EIF4EBP2: variants seen among roughly 807,000 people sequenced by gnomAD.
EIF4EBP2 encodes eukaryotic translation initiation factor 4E-binding protein 2.
A neutral mutation model predicts 10.3 loss-of-function variants in EIF4EBP2; 5 were observed. The ratio of observed to expected loss-of-function variants is 0.48; its 90% CI spans 0.25 to 1.02. The LOEUF (loss-of-function observed/expected upper bound fraction) is 1.02, where lower values mean the gene tolerates loss of function less well. Ranked by LOEUF, EIF4EBP2 falls within the 50% of genes least tolerant of loss-of-function variation. EIF4EBP2 has a pLI of 0.15. For synonymous variants in EIF4EBP2, 67 were observed against 61.1 expected (o/e 1.10, Z -0.45); for missense variants, 188 against 162.2 (o/e 1.16, Z -0.86).
intron 1 of EIF4EBP2, among the ~76,000 whole-genome samples, chr10:70,408,976 C>G (rs1845013059): frequency 6.6e-6 from 1 of 152,194 alleles, no homozygotes; most frequent in Non-Finnish European, 1.5e-5. Flanking sequence ...GGGTCACATA[C>G]ATGTCAGAGC....
chr10:70,416,517 T>G (rs1464063375), intron 1 of EIF4EBP2, among the ~76,000 whole-genome samples: 1 of 145,404 alleles, frequency 6.9e-6, no homozygotes, highest in Non-Finnish European at 1.5e-5. Context: ...AGGCGGAGGT[T>G]GCAGTGAGCC....
At chr10:70,407,452 A>C (rs565373321) in intron 1 of EIF4EBP2, among the ~76,000 whole-genome samples, 162 of 152,142 alleles carry the variant, frequency 1.1e-3, no homozygotes, top group African/African-American at 3.6e-3. Flanking sequence ...GATCAACAGG[A>C]TCCCAAGGCA....
At chr10:70,417,595 C>G (rs1438952458) in intron 1 of EIF4EBP2, among the ~76,000 whole-genome samples, 2 of 152,200 alleles carry the variant, frequency 1.3e-5, no homozygotes, top group Non-Finnish European at 2.9e-5. Context: ...TAGGCAGAAT[C>G]TCCACTACCT....
chr10:70,424,619 AC>A lies in EIF4EBP2; in HGVS notation c.*2874del, dbSNP rs1845189544. 1 of 152,214 alleles carries A rather than the reference AC, an allele frequency of 6.6e-6. No homozygotes were observed. Among genetic ancestry groups the A allele is most frequent in the African/African-American group, 2.4e-5 (1 of 41,446 alleles). The allele number at this position is 152,214 out of a possible 1,614,324, so 9.4% of individuals were successfully genotyped here. A position where few individuals can be genotyped will look rare whatever the true frequency, so the allele number is the denominator to read the frequency against. Reference sequence around the variant, plus strand: ...TAGAGAGAAGGAGCACTCTTAAGTTACCACTTTGAGACAGCTCTTAACATCT... The same window carrying A: ...TAGAGAGAAGGAGCACTCTTAAGTTACACTTTGAGACAGCTCTTAACATCT... On this transcript the variant is annotated 3_prime_UTR_variant, in exon 3 of 3. Transcript: ENST00000373218.
chr10:70,420,281 C>A (rs1397222700), intron 2 of EIF4EBP2, among the ~76,000 whole-genome samples, 182 bp downstream of exon 2: 1 of 152,076 alleles, frequency 6.6e-6, no homozygotes, highest in African/African-American at 2.4e-5. Context: ...CACACTGCAA[C>A]CTCCGCCTCC....
intron 1 of EIF4EBP2, among the ~76,000 whole-genome samples, chr10:70,406,905 ATTTATTTT>A (rs1844969809): frequency 6.6e-6 from 1 of 151,994 alleles, no homozygotes; most frequent in Admixed American, 6.6e-5. Context: ...TTATTTATTT[ATTTATTTT>A]TGGAGACGGA....
At chr10:70,415,704 A>G (rs1222812585) in intron 1 of EIF4EBP2, among the ~76,000 whole-genome samples, 1 of 152,230 alleles carries the variant, frequency 6.6e-6, no homozygotes, top group African/African-American at 2.4e-5. Context: ...TAGTGCTGAT[A>G]CAACTGGATA....
Position 70,424,534 on chromosome 10 carries a change from G to C in EIF4EBP2, c.*2787G>C, listed in dbSNP as rs1416855576. ...AGAGTCCATTGAGTGGTTTACCTCT[G>C]CATGTTTGGAGGGAACCTCACAGAT... On this transcript the variant is annotated 3_prime_UTR_variant, in exon 3 of 3. Transcript: ENST00000373218. 6.6e-6 allele frequency: 1 copy of C among 152,210 alleles called. No individual in the cohort carries two copies. The highest frequency in any genetic ancestry group is 2.4e-5 in the African/African-American group (1 of 41,456). The allele number at this position is 152,210 out of a possible 1,614,324, so 9.4% of individuals were successfully genotyped here.
In EIF4EBP2 at chr10:70,405,156, A is replaced by G. The variant is rs544855573; in HGVS notation, c.145+610A>G. Among the ~76,000 whole-genome samples, 8 of 152,346 alleles carry G rather than the reference A, an allele frequency of 5.3e-5. No homozygotes were observed. The South Asian group carries it at 1.7e-3, about 32-fold the overall frequency. ...CAGGCCGGGAGGAGAGCGTGATAAA[A>G]TAAAGCTCAAGTAATAGCCAAGGGA... On this transcript the variant is annotated intron_variant, in intron 1 of 2. Transcript: ENST00000373218.
chr10:70,407,726 G>A (rs1241460503), intron 1 of EIF4EBP2, among the ~76,000 whole-genome samples: 18 of 51,646 alleles, frequency 3.5e-4, no homozygotes, highest in Admixed American at 2.0e-3. Context: ...CGGGCGGGGG[G>A]CTGACCCCCC....
chr10:70,407,721 G>A (rs111267366), intron 1 of EIF4EBP2, among the ~76,000 whole-genome samples: 21 of 70,516 alleles, frequency 3.0e-4, no homozygotes, highest in African/African-American at 8.5e-4. Flanking sequence ...CCTCCCGGGC[G>A]GGGGGCTGAC....
intron 1 of EIF4EBP2, among the ~76,000 whole-genome samples, chr10:70,408,251 C>G (rs111667504): frequency 0.026 from 2,314 of 89,614 alleles, no homozygotes; most frequent in Middle Eastern, 0.094. Context: ...TGGCCGGGCA[C>G]AGGGTCTCCT....
At chr10:70,409,546 A>G (rs1296361374) in intron 1 of EIF4EBP2, among the ~76,000 whole-genome samples, 1 of 152,220 alleles carries the variant, frequency 6.6e-6, no homozygotes. Flanking sequence ...CCTCAAATTT[A>G]GTATCCTGAT....
chr10:70,404,339 C>T lies in EIF4EBP2; in HGVS notation c.-63C>T. On this transcript the variant is annotated 5_prime_UTR_variant, in exon 1 of 3. Coordinates refer to ENST00000373218, the MANE Select transcript of EIF4EBP2 (RefSeq NM_004096.5). ...TTTCCGTCCGCCTGAGGAGCCGAAG[C>T]AGCCCCGGCCCCGCCGCCGCCGCCT... is the stretch of plus-strand genomic sequence containing the variant. 2 of 1,470,618 alleles carry T rather than the reference C, an allele frequency of 1.4e-6. No individual in the cohort carries two copies. Among genetic ancestry groups the T allele is most frequent in the East Asian group, 2.9e-5 (1 of 33,980 alleles). 91.1% of individuals were successfully genotyped at this position (1,470,618 alleles called of 1,614,324 possible).
At chr10:70,416,560 A>G (rs1237809303) in intron 1 of EIF4EBP2, among the ~76,000 whole-genome samples, 3 of 144,316 alleles carry the variant, frequency 2.1e-5, no homozygotes, top group African/African-American at 5.2e-5. Flanking sequence ...GCCTGGTGAC[A>G]TAGCGAGACT....
At chr10:70,419,838 A>C in intron 1 of EIF4EBP2, 76 bp from the exon 2 acceptor site, 1 of 1,083,078 alleles carries the variant, frequency 9.2e-7, no homozygotes, top group East Asian at 2.7e-5. Flanking sequence ...ATGGGATTTA[A>C]ATTAAATTCC....
intron 1 of EIF4EBP2, among the ~76,000 whole-genome samples, chr10:70,408,719 A>T (rs1845009755): frequency 6.6e-6 from 1 of 152,204 alleles, no homozygotes; most frequent in African/African-American, 2.4e-5. Context: ...TGGTTCGCAC[A>T]AAAGGGGACA....
intron 1 of EIF4EBP2, among the ~76,000 whole-genome samples, 154 bp downstream of exon 1, chr10:70,404,700 T>A (rs564162447): frequency 1.3e-5 from 2 of 152,284 alleles, no homozygotes; most frequent in African/African-American, 4.8e-5. Flanking sequence ...TCGGGACCCT[T>A]TACTTCGTGT....
intron 1 of EIF4EBP2, among the ~76,000 whole-genome samples, chr10:70,406,158 T>A (rs1235388498): frequency 6.6e-6 from 1 of 152,156 alleles, no homozygotes; most frequent in African/African-American, 2.4e-5. Context: ...TTTTTTTGTA[T>A]TTTGGTAGAG....
Sources: gnomAD v4.1 joint callset for allele counts (sites outside exome capture counted in the v4.1 genomes callset) on GRCh38, gnomAD v4.1.1 for gene constraint, MANE v1.5 for transcripts, NCBI Gene and HGNC (gene_info 2026-07-23, HGNC 2026-07-21) for gene names.